Variants in TIMM23B observed in about 807,000 individuals in gnomAD.
TIMM23B encodes translocase of inner mitochondrial membrane 23 homolog B.
A neutral mutation model predicts 27.3 loss-of-function variants in TIMM23B; 27 were observed. The observed-to-expected ratio is 0.99, with a 90% CI of 0.73 to 1.36. The LOEUF (loss-of-function observed/expected upper bound fraction) is 1.36. Ranked by LOEUF, TIMM23B falls within the 40% of genes most tolerant of loss-of-function variation. The pLI is 0.00. For synonymous variants in TIMM23B, 73 were observed against 92.4 expected (o/e 0.79, Z 1.21); for missense variants, 205 against 244.2 (o/e 0.84, Z 1.07).
chr10:49,942,464 G>A (rs1839153439), intron 1 of TIMM23B, among the ~76,000 whole-genome samples, 164 bp downstream of exon 1: 1 of 152,062 alleles, frequency 6.6e-6, no homozygotes, highest in African/African-American at 2.4e-5. Flanking sequence ...GCTCTTTCAA[G>A]ATAGAAAGGC....
chr10:49,955,722 G>A lies in TIMM23B; in HGVS notation c.403+662G>A, dbSNP rs1471438599. 3.3e-5 allele frequency among the ~76,000 whole-genome samples: 5 copies of A among 152,176 alleles called. No homozygotes were observed. In the East Asian group the frequency reaches 9.6e-4, roughly 29 times the overall value. ...GAAAATCTCAATTTAAATTGTGGCA[G>A]ATTAAGGAGGGGAAGACATAGAAAA... On this transcript the variant is annotated intron_variant, in intron 5 of 6. Coordinates refer to ENST00000651259, the MANE Select transcript of TIMM23B (RefSeq NM_001290117.2).
intron 6 of TIMM23B, among the ~76,000 whole-genome samples, chr10:49,959,966 C>G (rs1839843666): frequency 6.6e-6 from 1 of 151,578 alleles, no homozygotes; most frequent in Non-Finnish European, 1.5e-5. Context: ...TCAGGCTGGT[C>G]TCAAACTCCT....
At chr10:49,972,771 A>G in intron 6 of TIMM23B, 1 of 557,446 alleles carries the variant, frequency 1.8e-6, no homozygotes, top group Non-Finnish European at 3.2e-6. Flanking sequence ...AGCCCAGATT[A>G]GATTGTACCC....
At chr10:49,948,268 G>C (rs1839415489) in intron 2 of TIMM23B, among the ~76,000 whole-genome samples, 1 of 152,100 alleles carries the variant, frequency 6.6e-6, no homozygotes, top group African/African-American at 2.4e-5. Context: ...ATTGCTGGTG[G>C]GAATGTAAAA....
At chr10:49,958,711 A>G (rs2133079216) in intron 6 of TIMM23B, among the ~76,000 whole-genome samples, 1 of 152,260 alleles carries the variant, frequency 6.6e-6, no homozygotes, top group Non-Finnish European at 1.5e-5. Flanking sequence ...TATATAACCA[A>G]TCTCTGGAAC....
chr10:49,962,825 G>A (rs1429138832), intron 6 of TIMM23B, among the ~76,000 whole-genome samples: 5 of 151,504 alleles, frequency 3.3e-5, no homozygotes, highest in South Asian at 2.1e-4. Context: ...TGCTTAAAAC[G>A]TGAATGACTA....
intron 2 of TIMM23B, among the ~76,000 whole-genome samples, chr10:49,950,742 A>G (rs1236194525): frequency 2.0e-5 from 3 of 151,892 alleles, no homozygotes; most frequent in African/African-American, 4.8e-5. Flanking sequence ...GGGTTTCACC[A>G]TGTTGCCCAG....
chr10:49,963,679 C>G (rs1271984584), intron 6 of TIMM23B, among the ~76,000 whole-genome samples: 1 of 150,870 alleles, frequency 6.6e-6, no homozygotes, highest in Non-Finnish European at 1.5e-5. Flanking sequence ...AAATGAAATA[C>G]GAAATACTGG....
intron 2 of TIMM23B, among the ~76,000 whole-genome samples, chr10:49,950,509 C>T (rs1839491881): frequency 6.9e-6 from 1 of 144,810 alleles, no homozygotes; most frequent in East Asian, 2.0e-4. Flanking sequence ...TGATAATGTT[C>T]ATCACAGCCT....
At chr10:49,944,598 A>G (rs1247829769) in intron 1 of TIMM23B, among the ~76,000 whole-genome samples, 1 of 152,144 alleles carries the variant, frequency 6.6e-6, no homozygotes, top group African/African-American at 2.4e-5. Context: ...TGAAATAGTT[A>G]GATACAACAT....
chr10:49,956,791 A>C (rs1839740373), intron 5 of TIMM23B, among the ~76,000 whole-genome samples: 1 of 147,916 alleles, frequency 6.8e-6, no homozygotes, highest in Admixed American at 6.8e-5. Context: ...GGTGTTTGCT[A>C]TTAGAAACTG....
intron 1 of TIMM23B, among the ~76,000 whole-genome samples, chr10:49,943,929 C>T (rs1839270592): frequency 6.6e-6 from 1 of 152,086 alleles, no homozygotes; most frequent in Non-Finnish European, 1.5e-5. Context: ...GAAAACATCT[C>T]AAGGGAGTTG....
chr10:49,966,431 AGAAAT>A lies in TIMM23B; in HGVS notation c.515-6575_515-6571del, dbSNP rs1217810250. Among the ~76,000 whole-genome samples the A allele has an allele frequency of 2.0e-5, 3 of 150,484 alleles. No homozygotes were observed. In the East Asian group the frequency reaches 5.9e-4, roughly 30 times the overall value. ...TGAAATGCTGGGTGCAATGAAATGA[AGAAAT>A]GAAATAATGAAATGAAATGAATAAT... On this transcript the variant is annotated intron_variant, in intron 6 of 6. Coordinates refer to ENST00000651259, the MANE Select transcript of TIMM23B (RefSeq NM_001290117.2).
At chr10:49,958,332 C>T (rs1839790899) in intron 5 of TIMM23B, 38 bp from the exon 6 acceptor site, 3 of 1,554,348 alleles carry the variant, frequency 1.9e-6, no homozygotes, top group African/African-American at 1.4e-5. Flanking sequence ...CACACTTTAT[C>T]ACTGTTTTGT....
chr10:49,961,814 TTACCC>T (rs1839926306), intron 6 of TIMM23B, among the ~76,000 whole-genome samples: 1 of 149,664 alleles, frequency 6.7e-6, no homozygotes, highest in South Asian at 2.2e-4. Flanking sequence ...TCTTGCTATG[TTACCC>T]AGGCTGGCCT....
intron 6 of TIMM23B, among the ~76,000 whole-genome samples, chr10:49,970,824 A>AG (rs1840408872): frequency 6.6e-6 from 1 of 152,192 alleles, no homozygotes; most frequent in South Asian, 2.1e-4. Context: ...CCCATCTGGG[A>AG]GGTGTACCCA....
intron 6 of TIMM23B, among the ~76,000 whole-genome samples, chr10:49,963,282 GTC>G (rs1839986728): frequency 6.6e-6 from 1 of 152,154 alleles, no homozygotes; most frequent in Non-Finnish European, 1.5e-5. Flanking sequence ...AATAGAGCAA[GTC>G]TCTGTCTCGA....
chr10:49,962,385 T>TA (rs1453612649), intron 6 of TIMM23B, among the ~76,000 whole-genome samples: 3 of 152,206 alleles, frequency 2.0e-5, no homozygotes, highest in African/African-American at 4.8e-5. Flanking sequence ...GTATTTTTAA[T>TA]AGAGTCGGGG....
At chr10:49,948,334 G>A (rs1839417207) in intron 2 of TIMM23B, among the ~76,000 whole-genome samples, 1 of 152,020 alleles carries the variant, frequency 6.6e-6, no homozygotes, top group Non-Finnish European at 1.5e-5. Context: ...TAAAAATAGA[G>A]TTACCTTATG....
Sources: gnomAD v4.1 joint callset for allele counts (sites outside exome capture counted in the v4.1 genomes callset) on GRCh38, gnomAD v4.1.1 for gene constraint, MANE v1.5 for transcripts, NCBI Gene and HGNC (gene_info 2026-07-23, HGNC 2026-07-21) for gene names.